CAMTA1: variants seen among roughly 807,000 people sequenced by gnomAD.
CAMTA1 encodes calmodulin binding transcription activator 1, also known as calmodulin-binding transcription activator 1.
A neutral mutation model predicts 170.9 loss-of-function variants in CAMTA1; 27 were observed. The observed-to-expected ratio is 0.16, with a 90% CI of 0.12 to 0.22. The LOEUF (loss-of-function observed/expected upper bound fraction) is 0.22, where lower values mean the gene tolerates loss of function less well. Among genes scored for constraint, CAMTA1 ranks in the 10% least tolerant of loss-of-function variants. The probability of loss-of-function intolerance (pLI) is 1.00; values close to 1 mark genes in which losing one functional copy is unlikely to be tolerated. For synonymous variants in CAMTA1, 833 were observed against 891.5 expected, an observed-to-expected ratio of 0.93 and a Z score of 1.17; for missense variants, 1,619 against 2,217.2, an observed-to-expected ratio of 0.73 and a Z score of 5.42.
chr1:7,506,273 C>T (rs1032102599), intron 6 of CAMTA1, among the ~76,000 whole-genome samples: 14 of 152,164 alleles, frequency 9.2e-5, no homozygotes, highest in African/African-American at 3.4e-4. Context: ...CCAGGTGCCC[C>T]AGGGCCCTGA....
intron 5 of CAMTA1, among the ~76,000 whole-genome samples, chr1:7,429,019 G>T (rs1376521853): frequency 6.6e-6 from 1 of 152,204 alleles, no homozygotes; most frequent in African/African-American, 2.4e-5. Context: ...CGCCTCTAAT[G>T]GAGAAGTTTC....
At chr1:7,569,114 C>CCACCAT (rs1214033874) in intron 6 of CAMTA1, among the ~76,000 whole-genome samples, 1 of 151,782 alleles carries the variant, frequency 6.6e-6, no homozygotes, top group Admixed American at 6.6e-5. Flanking sequence ...GTCATCATCA[C>CCACCAT]CACCATCACC....
rs1336183374 is a variant in CAMTA1, at chr1:7,234,805, T to TC, written c.303-14686_303-14685insC. ...AAGTTGACCTTTTTTTTTTTTTTTTTAGATAGAGTCTCACTTTGTCACCCA... is the reference window on the plus strand; with the variant it reads ...AAGTTGACCTTTTTTTTTTTTTTTTTCAGATAGAGTCTCACTTTGTCACCCA... On this transcript the variant is annotated intron_variant, in intron 4 of 22. Coordinates refer to ENST00000303635, the MANE Select transcript of CAMTA1 (RefSeq NM_015215.4). This position sits in a 1 kb window ranked among gnomAD's most constrained non-coding sequence, Gnocchi z 5.0. Among the ~76,000 whole-genome samples the TC allele has an allele frequency of 3.5e-3, 523 of 150,910 alleles. No homozygotes were observed. The highest frequency in any genetic ancestry group is 0.012 in the African/African-American group (509 of 41,072).
chr1:7,061,692 T>TG (rs1708231908), intron 3 of CAMTA1, among the ~76,000 whole-genome samples: 1 of 14,042 alleles, frequency 7.1e-5, no homozygotes, highest in Non-Finnish European at 1.4e-4. Context: ...GTGGGTTTGG[T>TG]GGGGTGGTGG....
intron 3 of CAMTA1, among the ~76,000 whole-genome samples, chr1:6,902,090 TAAA>T (rs908721123): frequency 2.5e-4 from 27 of 109,670 alleles, no homozygotes; most frequent in Admixed American, 6.6e-4. Context: ...AAAATAAAAA[TAAA>T]AACTCGTACT....
At chr1:7,589,328 G>A (rs1375458367) in intron 6 of CAMTA1, among the ~76,000 whole-genome samples, 9 of 152,220 alleles carry the variant, frequency 5.9e-5, no homozygotes, top group African/African-American at 2.2e-4. Flanking sequence ...CCCGGCCGCT[G>A]TGGCAGGGTT....
At position 7,013,128 on chromosome 1, in the gene CAMTA1, C is replaced by T. The variant is rs141238291; in HGVS notation, c.235-78176C>T. Among the ~76,000 whole-genome samples, 786 of 152,170 alleles carry T rather than the reference C, an allele frequency of 5.2e-3. 7 individuals carry two copies. The highest frequency in any genetic ancestry group is 0.018 in the African/African-American group (739 of 41,480). On this transcript the variant is annotated intron_variant, in intron 3 of 22. Transcript: ENST00000303635. ...ACTCGTCCCTCATTGCCTTGTGCCG[C>T]ACCTCCTCCGTGCCAGCACTTCTCG...
rs1166805050 is a variant in CAMTA1 at position 7,534,920 on chromosome 1, A to G, written c.510+67019A>G. Reference sequence around the variant, plus strand: ...TGTCTCGATTTTGAAAAAGATGCAGAAAGAAGGAAAGAAAGTGGAGGGCAG... The same window carrying G: ...TGTCTCGATTTTGAAAAAGATGCAGGAAGAAGGAAAGAAAGTGGAGGGCAG... On this transcript the variant is annotated intron_variant, in intron 6 of 22. Coordinates refer to ENST00000303635, the MANE Select transcript of CAMTA1 (RefSeq NM_015215.4). This position sits in a 1 kb window ranked among gnomAD's most constrained non-coding sequence, Gnocchi z 5.6. 6.6e-6 allele frequency among the ~76,000 whole-genome samples: 1 copy of G among 152,018 alleles called. No homozygotes were observed. The highest frequency in any genetic ancestry group is 6.5e-5 in the Admixed American group (1 of 15,272).
chr1:7,332,924 G>T (rs550993195), intron 5 of CAMTA1, among the ~76,000 whole-genome samples: 3 of 152,206 alleles, frequency 2.0e-5, no homozygotes, highest in Non-Finnish European at 4.4e-5. Context: ...AAAGCTGACC[G>T]TAGGCTTGAT....
rs2096175590 is a variant in CAMTA1 at position 7,680,238 on chromosome 1, G to A, written c.2914+2505G>A. ...GTGGTGAGCCTTCCGTTCCCCGCCTGTCCCTCCCGGCCCCTCCCCTCGGTC... is the reference window on the plus strand; with the variant it reads ...GTGGTGAGCCTTCCGTTCCCCGCCTATCCCTCCCGGCCCCTCCCCTCGGTC... On this transcript the variant is annotated intron_variant, in intron 11 of 22. Transcript: ENST00000303635. The surrounding 1 kb of genome is among the most constrained non-coding windows in gnomAD (Gnocchi z 4.4). The A allele has an allele frequency of 3.9e-6, 1 of 254,520 alleles. No homozygotes were observed. The highest frequency in any genetic ancestry group is 3.1e-5 in the South Asian group (1 of 32,290). 15.8% of individuals were successfully genotyped at this position (254,520 alleles called of 1,614,324 possible). A position where few individuals can be genotyped will look rare whatever the true frequency, so the allele number is the denominator to read the frequency against.
At chr1:7,637,175 G>A (rs1400796535) in intron 6 of CAMTA1, among the ~76,000 whole-genome samples, 2 of 152,242 alleles carry the variant, frequency 1.3e-5, no homozygotes, top group African/African-American at 4.8e-5. Flanking sequence ...GACCCTGTCT[G>A]CCTGCCCGCC....
At position 7,300,300 on chromosome 1, in the gene CAMTA1, C is replaced by T. The variant is rs1371083154; in HGVS notation, c.438+50674C>T. ...CCCCACTCTGGTCCTCCCTTCCAGG[C>T]TCATTCCTGGTGCAGCAGATCACTT... On this transcript the variant is annotated intron_variant, in intron 5 of 22. Coordinates refer to ENST00000303635, the MANE Select transcript of CAMTA1 (RefSeq NM_015215.4). The surrounding 1 kb of genome is among the most constrained non-coding windows in gnomAD (Gnocchi z 4.1). 1.3e-5 allele frequency among the ~76,000 whole-genome samples: 2 copies of T among 152,314 alleles called. No homozygotes were observed. Among genetic ancestry groups the T allele is most frequent in the African/African-American group, 2.4e-5 (1 of 41,564 alleles).
chr1:7,254,935 G>A (rs1033885795), intron 5 of CAMTA1, among the ~76,000 whole-genome samples: 5 of 152,160 alleles, frequency 3.3e-5, no homozygotes, highest in Admixed American at 3.3e-4. Flanking sequence ...AATGAATGAG[G>A]GGCAGGAGCT....
intron 5 of CAMTA1, among the ~76,000 whole-genome samples, chr1:7,357,103 G>T (rs1291953331): frequency 6.6e-6 from 1 of 152,208 alleles, no homozygotes; most frequent in Non-Finnish European, 1.5e-5. Context: ...AGACCCTACT[G>T]GTGCTCTGGT....
At chr1:7,264,221 T>C (rs1412145195) in intron 5 of CAMTA1, among the ~76,000 whole-genome samples, 1 of 152,216 alleles carries the variant, frequency 6.6e-6, no homozygotes, top group African/African-American at 2.4e-5. Flanking sequence ...GGGTGGGGCC[T>C]GAGATGCTGC....
At chr1:7,577,232 C>G (rs537667111) in intron 6 of CAMTA1, among the ~76,000 whole-genome samples, 1 of 152,326 alleles carries the variant, frequency 6.6e-6, no homozygotes, top group East Asian at 1.9e-4. Flanking sequence ...TTGGCTAGGA[C>G]TGTGGCCTCC....
rs1264595192 is a variant in CAMTA1 at position 7,532,431 on chromosome 1, GACTACAGGCACACA to G, written c.510+64531_510+64544del. ...CCACCTCAGCCTCCCAAGTATCTGG[GACTACAGGCACACA>G]CCCCTGTGCCCAGCTAATTTTTATT... On this transcript the variant is annotated intron_variant, in intron 6 of 22. Coordinates refer to ENST00000303635, the MANE Select transcript of CAMTA1 (RefSeq NM_015215.4). This position sits in a 1 kb window ranked among gnomAD's most constrained non-coding sequence, Gnocchi z 4.2. 6.6e-6 allele frequency among the ~76,000 whole-genome samples: 1 copy of G among 151,976 alleles called. No homozygotes were observed. The highest frequency in any genetic ancestry group is 1.5e-5 in the Non-Finnish European group (1 of 68,016).
chr1:7,160,825 C>T (rs894073295), intron 4 of CAMTA1, among the ~76,000 whole-genome samples: 2 of 152,156 alleles, frequency 1.3e-5, no homozygotes, highest in Non-Finnish European at 1.5e-5. Flanking sequence ...CCCTGACATG[C>T]GTTTCTCTTG....
intron 5 of CAMTA1, among the ~76,000 whole-genome samples, chr1:7,267,066 T>G (rs1240037359): frequency 6.6e-6 from 1 of 152,198 alleles, no homozygotes; most frequent in Non-Finnish European, 1.5e-5. Context: ...GATATGTCCC[T>G]TAGACCCTCT....
Sources: allele counts gnomAD v4.1 joint callset (sites outside exome capture counted in the v4.1 genomes callset), GRCh38; gene constraint gnomAD v4.1.1; non-coding constraint Gnocchi (gnomAD v3.1); transcripts MANE v1.5; gene names NCBI Gene and HGNC (gene_info 2026-07-23, HGNC 2026-07-21).